The following TMEM132B variants were observed in gnomAD, a reference collection of about 807,000 sequenced individuals.
The protein encoded by TMEM132B is transmembrane protein 132B.
In TMEM132B, 18 loss-of-function variants were observed where a neutral mutation model predicts 90.8. The observed-to-expected ratio is 0.20, with a 90% CI of 0.14 to 0.29. TMEM132B has a LOEUF of 0.29. Ranked by LOEUF, TMEM132B falls within the 10% of genes least tolerant of loss-of-function variation. TMEM132B has a pLI of 1.00. For missense variants in TMEM132B, 1,096 were observed against 1,326.8 expected (o/e 0.83, Z 2.70); for synonymous variants, 504 against 523.3 (o/e 0.96, Z 0.50).
intron 4 of TMEM132B, among the ~76,000 whole-genome samples, chr12:125,580,259 A>T (rs1885025412): frequency 1.3e-5 from 2 of 152,184 alleles, no homozygotes; most frequent in African/African-American, 4.8e-5. Flanking sequence ...TGGACATCTC[A>T]TTCTTCATCT....
At chr12:125,291,647 G>A (rs1875543530) in intron 1 of TMEM132B, among the ~76,000 whole-genome samples, 1 of 152,198 alleles carries the variant, frequency 6.6e-6, no homozygotes, top group Non-Finnish European at 1.5e-5. Context: ...AGCTCCAGAT[G>A]AGACCACACC....
intron 1 of TMEM132B, among the ~76,000 whole-genome samples, chr12:125,215,199 A>G (rs1048294127): frequency 6.6e-6 from 1 of 152,214 alleles, no homozygotes; most frequent in Admixed American, 6.5e-5. Flanking sequence ...CAGGATTTCT[A>G]TAGATATGAA....
chr12:125,256,117 G>C (rs1874434174), intron 1 of TMEM132B, among the ~76,000 whole-genome samples: 1 of 152,162 alleles, frequency 6.6e-6, no homozygotes, highest in Non-Finnish European at 1.5e-5. Flanking sequence ...TGAAGATCTT[G>C]CTGCAGCTGA....
chr12:125,522,428 C>T (rs778750609), intron 4 of TMEM132B, among the ~76,000 whole-genome samples: 38 of 152,178 alleles, frequency 2.5e-4, no homozygotes, highest in Admixed American at 1.5e-3. Flanking sequence ...ATGGCAGATA[C>T]AGGGAGCAGC....
chr12:125,217,105 T>TA (rs907023992), intron 1 of TMEM132B, among the ~76,000 whole-genome samples: 75 of 152,360 alleles, frequency 4.9e-4, no homozygotes, highest in African/African-American at 1.7e-3. Context: ...ATTAGCAACA[T>TA]ACGATGCTTG....
chr12:125,602,212 C>A (rs1165763935), intron 5 of TMEM132B, among the ~76,000 whole-genome samples: 1 of 152,172 alleles, frequency 6.6e-6, no homozygotes. Context: ...TGAAAATCCT[C>A]AATAAAATAC....
Position 125,563,176 on chromosome 12 carries a change from A to AATAATAATG in TMEM132B, c.1294-20667_1294-20666insGATAATAAT, listed in dbSNP as rs1884578021. Among the ~76,000 whole-genome samples, 4 of 149,264 alleles carry AATAATAATG rather than the reference A, an allele frequency of 2.7e-5. No individual in the cohort carries two copies. In the South Asian group the frequency reaches 6.3e-4, roughly 24 times the overall value. ...TAATAATAATAATAATAATAATAAT[A>AATAATAATG]ATAATAATAATAAAAGTTTGAAATA... is the stretch of plus-strand genomic sequence containing the variant. On this transcript the variant is annotated intron_variant, in intron 4 of 8. Coordinates refer to ENST00000682704, the MANE Select transcript of TMEM132B (RefSeq NM_001366854.1).
At chr12:125,650,451 G>A (rs1468702645) in intron 6 of TMEM132B, among the ~76,000 whole-genome samples, 1 of 152,172 alleles carries the variant, frequency 6.6e-6, no homozygotes, top group Non-Finnish European at 1.5e-5. Flanking sequence ...GGGTCAGGAA[G>A]GCAGGAGCTG....
chr12:125,366,512 A>T (rs1473229584), intron 2 of TMEM132B, among the ~76,000 whole-genome samples: 2 of 152,084 alleles, frequency 1.3e-5, no homozygotes, highest in Non-Finnish European at 2.9e-5. Flanking sequence ...TGACCTCCAT[A>T]ATTTCTGATA....
At chr12:125,621,271 G>A (rs187919817) in intron 5 of TMEM132B, among the ~76,000 whole-genome samples, 8 of 152,218 alleles carry the variant, frequency 5.3e-5, no homozygotes, top group East Asian at 3.9e-4. Flanking sequence ...TGTTTGAGCC[G>A]TGTCTTGAGG....
intron 5 of TMEM132B, among the ~76,000 whole-genome samples, chr12:125,636,775 T>C (rs142124024): frequency 5.6e-4 from 85 of 152,324 alleles, no homozygotes; most frequent in African/African-American, 2.0e-3. Flanking sequence ...CTGCCGTTTC[T>C]CTCTGCAGCC....
intron 2 of TMEM132B, among the ~76,000 whole-genome samples, chr12:125,372,271 C>T (rs970664852): frequency 2.6e-5 from 4 of 152,208 alleles, no homozygotes; most frequent in Admixed American, 6.5e-5. Flanking sequence ...CCTGTGTCCC[C>T]GGCTAGAACT....
At chr12:125,535,381 T>C (rs1243259498) in intron 4 of TMEM132B, among the ~76,000 whole-genome samples, 13 of 152,152 alleles carry the variant, frequency 8.5e-5, no homozygotes, top group Admixed American at 8.5e-4. Flanking sequence ...CCACAGGGCT[T>C]GGTAACCTGT....
At chr12:125,240,002 A>G (rs1011053681) in intron 1 of TMEM132B, among the ~76,000 whole-genome samples, 4 of 152,192 alleles carry the variant, frequency 2.6e-5, no homozygotes, top group Admixed American at 1.3e-4. Flanking sequence ...CAACATCCCA[A>G]TTCAGCTGGT....
At chr12:125,237,981 A>G (rs1338233087) in intron 1 of TMEM132B, among the ~76,000 whole-genome samples, 1 of 152,214 alleles carries the variant, frequency 6.6e-6, no homozygotes, top group African/African-American at 2.4e-5. Context: ...CCCAAGACCA[A>G]GTCTTTAGTG....
chr12:125,435,016 T>C (rs1320200079), intron 3 of TMEM132B, among the ~76,000 whole-genome samples: 1 of 152,202 alleles, frequency 6.6e-6, no homozygotes, highest in African/African-American at 2.4e-5. Context: ...AAATCCCCTT[T>C]GTGGGGGCTC....
chr12:125,283,346 G>T (rs1466235912), intron 1 of TMEM132B, among the ~76,000 whole-genome samples: 1 of 152,034 alleles, frequency 6.6e-6, no homozygotes, highest in Non-Finnish European at 1.5e-5. Context: ...ATTTAAATCT[G>T]TTGAATATGT....
At chr12:125,383,466 G>A (rs185620442) in intron 2 of TMEM132B, among the ~76,000 whole-genome samples, 2 of 152,252 alleles carry the variant, frequency 1.3e-5, no homozygotes, top group East Asian at 1.9e-4. Context: ...TAAAATAAAT[G>A]CATAGCTATT....
intron 1 of TMEM132B, among the ~76,000 whole-genome samples, chr12:125,282,061 G>GAAAAAAAAAA (rs1565991786): frequency 3.8e-5 from 1 of 26,632 alleles, no homozygotes; most frequent in Non-Finnish European, 6.6e-5. Flanking sequence ...AAAAAAAAAA[G>GAAAAAAAAAA]AGAGACTTTT....
Sources: allele counts gnomAD v4.1 joint callset (sites outside exome capture counted in the v4.1 genomes callset), GRCh38; gene constraint gnomAD v4.1.1; transcripts MANE v1.5; gene names NCBI Gene and HGNC (gene_info 2026-07-23, HGNC 2026-07-21).